SOX6: variants seen among roughly 807,000 people sequenced by gnomAD.
SOX6 encodes SRY-box transcription factor 6.
Under a neutral mutation model 97.8 loss-of-function variants are expected in SOX6, and 11 were observed. That is an observed-to-expected ratio of 0.11 (90% CI 0.07 to 0.19). The LOEUF is 0.19. Ranked by LOEUF, SOX6 falls within the 10% of genes least tolerant of loss-of-function variation. The pLI, the probability that SOX6 is intolerant of heterozygous loss-of-function variation, is 1.00. For synonymous variants in SOX6, 360 were observed against 371.4 expected (o/e 0.97, Z 0.35); for missense variants, 810 against 1,039.5 (o/e 0.78, Z 3.04).
intron 7 of SOX6, chr11:16,110,279 G>A (rs950005020): frequency 3.3e-5 from 5 of 151,984 alleles, no homozygotes; most frequent in African/African-American, 4.8e-5. Context: ...GTACAGGGGT[G>A]TCAAACTCAA....
intron 4 of SOX6, among the ~76,000 whole-genome samples, chr11:16,590,093 T>C (rs1045623585): frequency 9.9e-5 from 15 of 152,236 alleles, no homozygotes; most frequent in African/African-American, 3.1e-4. Context: ...AGTCACCATT[T>C]ACCTAGAATG....
intron 2 of SOX6, 29 bp downstream of exon 2, chr11:16,340,983 G>A: frequency 6.2e-7 from 1 of 1,612,698 alleles, no homozygotes; most frequent in African/African-American, 1.3e-5. Flanking sequence ...AATGCATTTA[G>A]TGGCAGTGGT....
At chr11:16,705,969 G>GAAGA (rs1554901806) in intron 3 of SOX6, among the ~76,000 whole-genome samples, 1 of 151,540 alleles carries the variant, frequency 6.6e-6, no homozygotes, top group African/African-American at 2.4e-5. Flanking sequence ...CAAAATGGCA[G>GAAGA]AAGTCCTTCC....
intron 4 of SOX6, among the ~76,000 whole-genome samples, chr11:16,547,455 T>C (rs1023911719): frequency 2.0e-5 from 3 of 152,212 alleles, no homozygotes; most frequent in African/African-American, 7.2e-5. Flanking sequence ...GGGATACTAT[T>C]CAGCCATAAA....
intron 4 of SOX6, among the ~76,000 whole-genome samples, chr11:16,546,798 G>C (rs1847626611): frequency 6.6e-6 from 1 of 151,950 alleles, no homozygotes; most frequent in African/African-American, 2.4e-5. Flanking sequence ...GAATAGCAAA[G>C]GAAATAATCA....
intron 4 of SOX6, among the ~76,000 whole-genome samples, chr11:16,588,992 C>A (rs900434550): frequency 6.6e-6 from 1 of 152,152 alleles, no homozygotes; most frequent in Non-Finnish European, 1.5e-5. Flanking sequence ...CCACTGCACT[C>A]CAGCCTCTGT....
chr11:16,108,491 C>T (rs1590201598), intron 7 of SOX6, among the ~76,000 whole-genome samples: 1 of 152,094 alleles, frequency 6.6e-6, no homozygotes, highest in African/African-American at 2.4e-5. Context: ...TATTTGTGCT[C>T]AAATGTATCT....
At chr11:16,699,650 T>C (rs970642602) in intron 3 of SOX6, among the ~76,000 whole-genome samples, 1 of 152,198 alleles carries the variant, frequency 6.6e-6, no homozygotes, top group Non-Finnish European at 1.5e-5. Flanking sequence ...CTATACTAGA[T>C]ACTGTGTTAG....
intron 1 of SOX6, among the ~76,000 whole-genome samples, chr11:16,365,796 T>C (rs141403168): frequency 1.3e-5 from 2 of 152,304 alleles, no homozygotes; most frequent in South Asian, 2.1e-4. Flanking sequence ...ATGTTCATGA[T>C]TTTTTATGCC....
intron 1 of SOX6, among the ~76,000 whole-genome samples, chr11:16,352,057 T>A (rs1322871297): frequency 1.3e-5 from 2 of 152,000 alleles, no homozygotes; most frequent in Non-Finnish European, 2.9e-5. Context: ...CAGAAAAAAG[T>A]AGCCATGAAA....
rs1242989468 is a variant in SOX6, at chr11:15,968,004, G to A, written c.*4805C>T. On this transcript the variant is annotated 3_prime_UTR_variant, in exon 16 of 16. Transcript: ENST00000683767. ...GGGAAAGATAGAATGGGGATGAAAA[G>A]GAAATGTGTTTGCATATCAATATTT... 4 of 146,582 alleles carry A rather than the reference G, an allele frequency of 2.7e-5. No individual in the cohort carries two copies. Among genetic ancestry groups the A allele is most frequent in the African/African-American group, 1.0e-4 (4 of 39,578 alleles). 9.1% of individuals were successfully genotyped at this position (146,582 alleles called of 1,614,324 possible). A position where few individuals can be genotyped will look rare whatever the true frequency, so the allele number is the denominator to read the frequency against.
At chr11:16,476,569 C>G (rs1860253545), upstream of SOX6, among the ~76,000 whole-genome samples, 1 of 152,030 alleles carries the variant, frequency 6.6e-6, no homozygotes, top group African/African-American at 2.4e-5. Flanking sequence ...TTTCATGGTT[C>G]TACATCTAAG....
intron 3 of SOX6, among the ~76,000 whole-genome samples, chr11:16,308,682 A>C (rs986445031): frequency 2.0e-5 from 3 of 152,216 alleles, no homozygotes. Flanking sequence ...AAATTATTGT[A>C]AACCTGATGC....
At chr11:16,031,964 T>G (rs74638144) in intron 12 of SOX6, among the ~76,000 whole-genome samples, 290 of 152,186 alleles carry the variant, frequency 1.9e-3, no homozygotes, top group African/African-American at 6.8e-3. Context: ...GAAACAGACT[T>G]CAGTATTCTA....
At chr11:16,047,544 C>T (rs181575673) in intron 11 of SOX6, among the ~76,000 whole-genome samples, 5 of 152,148 alleles carry the variant, frequency 3.3e-5, no homozygotes, top group East Asian at 1.9e-4. Context: ...TTATTTCCAA[C>T]GATATCTTGC....
chr11:16,737,457 A>G (rs1010698376), intron 1 of SOX6, among the ~76,000 whole-genome samples: 1 of 151,992 alleles, frequency 6.6e-6, no homozygotes, highest in Admixed American at 6.6e-5. Flanking sequence ...CACCCGCCTC[A>G]GCCTCCCAAA....
intron 1 of SOX6, among the ~76,000 whole-genome samples, chr11:16,451,421 G>T (rs1484722502): frequency 1.3e-5 from 2 of 152,070 alleles, no homozygotes; most frequent in African/African-American, 4.8e-5. Flanking sequence ...ACTGAAGATT[G>T]GATGTCTGCT....
chr11:16,417,440 C>T (rs1858945715), intron 1 of SOX6, among the ~76,000 whole-genome samples: 1 of 152,154 alleles, frequency 6.6e-6, no homozygotes, highest in African/African-American at 2.4e-5. Context: ...AACCCCTCAG[C>T]CAGTTCAGGC....
At chr11:16,069,488 G>T (rs1054670370) in intron 9 of SOX6, among the ~76,000 whole-genome samples, 1 of 152,110 alleles carries the variant, frequency 6.6e-6, no homozygotes, top group African/African-American at 2.4e-5. Context: ...AAAGAGAAAT[G>T]TACCTTACAA....
Sources: allele counts gnomAD v4.1 joint callset (sites outside exome capture counted in the v4.1 genomes callset), GRCh38; gene constraint gnomAD v4.1.1; transcripts MANE v1.5; gene names NCBI Gene and HGNC (gene_info 2026-07-23, HGNC 2026-07-21).